PRKACB: variants seen among roughly 807,000 people sequenced by gnomAD.
The protein encoded by PRKACB is protein kinase cAMP-activated catalytic subunit beta.
Under a neutral mutation model 51.4 loss-of-function variants are expected in PRKACB, and 16 were observed. That is an observed-to-expected ratio of 0.31 (90% CI 0.21 to 0.47). PRKACB has a LOEUF of 0.47. Ranked by LOEUF, PRKACB falls within the 20% of genes least tolerant of loss-of-function variation. PRKACB has a pLI of 1.00. For missense variants in PRKACB, 309 were observed against 464.5 expected, an observed-to-expected ratio of 0.67 and a Z score of 3.08; for synonymous variants, 147 against 154.4, an observed-to-expected ratio of 0.95 and a Z score of 0.35.
At chr1:84,213,773 G>T (rs561418198) in intron 8 of PRKACB, among the ~76,000 whole-genome samples, 1 of 152,070 alleles carries the variant, frequency 6.6e-6, no homozygotes, top group African/African-American at 2.4e-5. Context: ...ATATTACAAA[G>T]TTAAATTTAT....
intron 1 of PRKACB, among the ~76,000 whole-genome samples, chr1:84,171,809 CAG>C (rs1353739633): frequency 1.3e-5 from 2 of 151,486 alleles, no homozygotes; most frequent in African/African-American, 4.8e-5. Flanking sequence ...GAATTGATAA[CAG>C]AATCTGGCAA....
chr1:84,227,981 A>G (rs1674916085), intron 9 of PRKACB, among the ~76,000 whole-genome samples: 1 of 152,194 alleles, frequency 6.6e-6, no homozygotes. Flanking sequence ...TTTTCTACAC[A>G]TGATTGCCCC....
chr1:84,163,382 T>A (rs762752892), intron 1 of PRKACB, among the ~76,000 whole-genome samples: 17 of 152,112 alleles, frequency 1.1e-4, no homozygotes, highest in Non-Finnish European at 1.5e-4. Flanking sequence ...ACCACCAATG[T>A]GTTGCTTAGC....
At chr1:84,164,224 A>G (rs1656693405) in intron 1 of PRKACB, 5 of 1,410,272 alleles carry the variant, frequency 3.5e-6, no homozygotes, top group Admixed American at 5.3e-5. Flanking sequence ...GTGCTGCAGT[A>G]TAGCTTTCTG....
chr1:84,100,838 A>G (rs973258837), intron 1 of PRKACB, among the ~76,000 whole-genome samples: 7 of 152,292 alleles, frequency 4.6e-5, no homozygotes, highest in African/African-American at 1.2e-4. Flanking sequence ...CTTATTTTAT[A>G]CAAGAGGTAA....
At chr1:84,082,236 A>G (rs1455299840) in intron 1 of PRKACB, among the ~76,000 whole-genome samples, 1 of 152,186 alleles carries the variant, frequency 6.6e-6, no homozygotes, top group Admixed American at 6.5e-5. Context: ...AATTCTAACC[A>G]CTTTGCTGAA....
At chr1:84,175,196 A>T (rs1660817953) in intron 1 of PRKACB, 4 of 861,818 alleles carry the variant, frequency 4.6e-6, no homozygotes, top group Admixed American at 4.3e-5. Flanking sequence ...TGAAGGAAAT[A>T]GTTTGTTTAG....
At chr1:84,228,365 A>T (rs1350338890) in intron 9 of PRKACB, among the ~76,000 whole-genome samples, 22 of 152,220 alleles carry the variant, frequency 1.4e-4, no homozygotes, top group Admixed American at 1.4e-3. Context: ...TTAGCCGCTT[A>T]TCAGTCATGT....
chr1:84,223,187 A>G (rs650629), intron 9 of PRKACB, among the ~76,000 whole-genome samples: 46,810 of 151,874 alleles, frequency 0.31, 8,122 homozygotes, highest in East Asian at 0.51. Flanking sequence ...TATGTCATGT[A>G]TGCTTTGTTC....
Position 84,157,814 on chromosome 1 carries a change from A to T in PRKACB, c.187+13266A>T, listed in dbSNP as rs568169728. Among the ~76,000 whole-genome samples the T allele has an allele frequency of 3.9e-5, 6 of 152,288 alleles. No individual in the cohort carries two copies. The South Asian group carries it at 1.2e-3, about 32-fold the overall frequency. ...ATCCATTCTGCAGTTGATGCACATG[A>T]GAATTGGTTTGTTTTTGGCCATTTG... On this transcript the variant is annotated intron_variant, in intron 1 of 9. Coordinates refer to ENST00000370685, the MANE Select transcript of PRKACB (RefSeq NM_182948.4).
chr1:84,222,120 A>G (rs897412286), intron 9 of PRKACB, among the ~76,000 whole-genome samples: 1 of 152,120 alleles, frequency 6.6e-6, no homozygotes, highest in Admixed American at 6.5e-5. Context: ...TATTGGATGC[A>G]TATATATCCG....
Position 84,115,845 on chromosome 1 carries a change from G to A in PRKACB, c.46+37474G>A, listed in dbSNP as rs1292988410. Among the ~76,000 whole-genome samples, 9 of 125,936 alleles carry A rather than the reference G, an allele frequency of 7.1e-5. No individual in the cohort carries two copies. In the Admixed American group the frequency reaches 9.3e-4, roughly 13 times the overall value. 82.6% of individuals were successfully genotyped at this position (125,936 alleles called of 152,430 possible). ...TGTGGTGAGCCGAGATCGTGCCATTGCACTCCAGCCTGGGCAACAAGAGAG... is the reference window on the plus strand; with the variant it reads ...TGTGGTGAGCCGAGATCGTGCCATTACACTCCAGCCTGGGCAACAAGAGAG... On this transcript the variant is annotated intron_variant, in intron 1 of 8. Coordinates refer to the PRKACB transcript ENST00000370688.
intron 8 of PRKACB, among the ~76,000 whole-genome samples, chr1:84,204,074 A>G (rs1670898086): frequency 1.3e-5 from 2 of 152,034 alleles, no homozygotes; most frequent in Admixed American, 1.3e-4. Flanking sequence ...GGGCTGTAGC[A>G]ACAAGACATT....
intron 1 of PRKACB, among the ~76,000 whole-genome samples, chr1:84,120,907 G>T (rs1007489285): frequency 6.6e-6 from 1 of 151,974 alleles, no homozygotes; most frequent in African/African-American, 2.4e-5. Flanking sequence ...ACCAGGTAAT[G>T]GTCCCTGAGA....
chr1:84,119,903 C>A (rs1650927139), intron 1 of PRKACB, among the ~76,000 whole-genome samples: 1 of 152,130 alleles, frequency 6.6e-6, no homozygotes, highest in South Asian at 2.1e-4. Flanking sequence ...ATCATTGAGA[C>A]CTTGGTAGTG....
intron 3 of PRKACB, among the ~76,000 whole-genome samples, chr1:84,183,285 A>T (rs1248997223): frequency 6.6e-6 from 1 of 151,992 alleles, no homozygotes; most frequent in African/African-American, 2.4e-5. Context: ...ATAGAATCAC[A>T]GTCTTCGTGA....
chr1:84,218,038 A>G (rs1673129106), intron 9 of PRKACB, among the ~76,000 whole-genome samples: 1 of 152,126 alleles, frequency 6.6e-6, no homozygotes, highest in Non-Finnish European at 1.5e-5. Context: ...CTATTTTTAT[A>G]TATTCATGAA....
chr1:84,126,087 G>A (rs1651571245), intron 1 of PRKACB, among the ~76,000 whole-genome samples: 1 of 150,858 alleles, frequency 6.6e-6, no homozygotes, highest in Non-Finnish European at 1.5e-5. Context: ...GGGGGGTGGG[G>A]GGGAGGGGAG....
At chr1:84,191,727 G>T (rs1164457130) in intron 5 of PRKACB, among the ~76,000 whole-genome samples, 1 of 152,022 alleles carries the variant, frequency 6.6e-6, no homozygotes, top group East Asian at 1.9e-4. Flanking sequence ...CCCAGTGGGT[G>T]CTATGCTCAC....
Sources: gnomAD v4.1 joint callset for allele counts (sites outside exome capture counted in the v4.1 genomes callset) on GRCh38, gnomAD v4.1.1 for gene constraint, MANE v1.5 for transcripts, NCBI Gene and HGNC (gene_info 2026-07-23, HGNC 2026-07-21) for gene names.